Variants in RTN1 observed in about 807,000 individuals in gnomAD.
The protein encoded by RTN1 is reticulon 1.
In RTN1, 25 loss-of-function variants were observed where a neutral mutation model predicts 65.5. The ratio of observed to expected loss-of-function variants is 0.38; its 90% CI spans 0.28 to 0.53. The LOEUF (loss-of-function observed/expected upper bound fraction) is 0.53. RTN1 is among the 20% of genes least tolerant of loss of function. RTN1 has a pLI of 0.79. For missense variants in RTN1, 983 were observed against 1,025.4 expected (o/e 0.96, Z 0.57); for synonymous variants, 471 against 447.6 (o/e 1.05, Z -0.66).
At chr14:59,773,215 T>C (rs1005689297) in intron 1 of RTN1, among the ~76,000 whole-genome samples, 1 of 152,140 alleles carries the variant, frequency 6.6e-6, no homozygotes, top group Non-Finnish European at 1.5e-5. Context: ...ATGAGACATA[T>C]TTCAAAGGCT....
chr14:59,714,159 C>T (rs1400441480), intron 3 of RTN1, among the ~76,000 whole-genome samples: 1 of 151,656 alleles, frequency 6.6e-6, no homozygotes, highest in African/African-American at 2.4e-5. Flanking sequence ...TGCTTGAACC[C>T]AGGAGGCAGA....
chr14:59,789,589 G>A (rs1886311816), intron 1 of RTN1, among the ~76,000 whole-genome samples: 1 of 152,054 alleles, frequency 6.6e-6, no homozygotes, highest in African/African-American at 2.4e-5. Flanking sequence ...TCAAAATTTT[G>A]CACGTTTGAA....
At chr14:59,722,814 G>A (rs1358034011) in intron 3 of RTN1, among the ~76,000 whole-genome samples, 1 of 129,244 alleles carries the variant, frequency 7.7e-6, no homozygotes, top group South Asian at 2.5e-4. Context: ...TTTTTTTTTT[G>A]AGACAAGGTG....
rs1566710804 is a variant in RTN1 at position 59,749,118 on chromosome 14, A to ATC, written c.242-2638_242-2637insGA. Among the ~76,000 whole-genome samples, 61 of 57,180 alleles carry ATC rather than the reference A, an allele frequency of 1.1e-3. 1 individual carries two copies. Among genetic ancestry groups the ATC allele is most frequent in the African/African-American group, 5.2e-3 (53 of 10,106 alleles). 37.5% of individuals were successfully genotyped at this position (57,180 alleles called of 152,430 possible). A position where few individuals can be genotyped will look rare whatever the true frequency, so the allele number is the denominator to read the frequency against. On this transcript the variant is annotated intron_variant, in intron 1 of 8. Transcript: ENST00000267484. ...TATATATATCTATATATATATATATATATATAGATATATCTATATCTATCT... is the reference window on the plus strand; with the variant it reads ...TATATATATCTATATATATATATATATCTATATAGATATATCTATATCTATCT...
intron 1 of RTN1, among the ~76,000 whole-genome samples, chr14:59,750,119 ATATAT>A (rs1885425051): frequency 1.2e-5 from 1 of 86,056 alleles, no homozygotes; most frequent in Non-Finnish European, 2.1e-5. Flanking sequence ...TATATATAAT[ATATAT>A]TATCTATAAT....
At chr14:59,793,636 CCACACA>C (rs766243780) in intron 1 of RTN1, among the ~76,000 whole-genome samples, 10 of 144,308 alleles carry the variant, frequency 6.9e-5, no homozygotes, top group South Asian at 4.5e-4. Flanking sequence ...CAGGCACACA[CCACACA>C]CACACACACA....
At chr14:59,650,717 A>G (rs1215292624) in intron 3 of RTN1, among the ~76,000 whole-genome samples, 4 of 152,234 alleles carry the variant, frequency 2.6e-5, no homozygotes, top group Non-Finnish European at 5.9e-5. Flanking sequence ...TAAGATCTCT[A>G]CAATGAAAAT....
At chr14:59,819,608 A>G (rs1190149635) in intron 1 of RTN1, among the ~76,000 whole-genome samples, 2 of 151,920 alleles carry the variant, frequency 1.3e-5, no homozygotes, top group East Asian at 3.9e-4. Flanking sequence ...CACTGTTGTC[A>G]GCCCTTGGGC....
At chr14:59,609,020 C>T (rs930508967) in intron 3 of RTN1, among the ~76,000 whole-genome samples, 1 of 152,076 alleles carries the variant, frequency 6.6e-6, no homozygotes, top group Non-Finnish European at 1.5e-5. Context: ...CATGGTGGCT[C>T]ATGCCTGTAA....
intron 1 of RTN1, among the ~76,000 whole-genome samples, chr14:59,850,250 T>C (rs754753692): frequency 1.7e-4 from 26 of 152,228 alleles, no homozygotes; most frequent in Non-Finnish European, 3.4e-4. Flanking sequence ...AAAAATATCA[T>C]ATGTTGAAAA....
chr14:59,723,468 G>C (rs1884690500), intron 3 of RTN1, among the ~76,000 whole-genome samples: 1 of 151,454 alleles, frequency 6.6e-6, no homozygotes, highest in South Asian at 2.1e-4. Flanking sequence ...CAAAAAATTA[G>C]CCGGGCGTGG....
intron 1 of RTN1, among the ~76,000 whole-genome samples, chr14:59,839,185 AT>A (rs1355416956): frequency 6.6e-6 from 1 of 151,906 alleles, no homozygotes; most frequent in Non-Finnish European, 1.5e-5. Context: ...TCTTTAGGAT[AT>A]TTTTTTGCTT....
At chr14:59,746,581 TC>T in intron 1 of RTN1, 100 bp from the exon 2 acceptor site, 1 of 1,021,592 alleles carries the variant, frequency 9.8e-7, no homozygotes, top group East Asian at 2.4e-5. Flanking sequence ...AGACATGACA[TC>T]CTTTCTCCTT....
At chr14:59,733,091 T>C (rs1566703506) in intron 2 of RTN1, among the ~76,000 whole-genome samples, 3 of 112,070 alleles carry the variant, frequency 2.7e-5, no homozygotes. Flanking sequence ...TTTTTTTTTT[T>C]TCTTTCTTTC....
At chr14:59,627,210 C>G (rs1432177526) in intron 3 of RTN1, among the ~76,000 whole-genome samples, 2 of 152,182 alleles carry the variant, frequency 1.3e-5, no homozygotes, top group Non-Finnish European at 2.9e-5. Context: ...GTTATTAAGC[C>G]TACACAATCA....
intron 2 of RTN1, among the ~76,000 whole-genome samples, chr14:59,742,416 A>G (rs563963490): frequency 2.6e-5 from 4 of 152,284 alleles, no homozygotes; most frequent in South Asian, 4.1e-4. Flanking sequence ...CACTTTTTTC[A>G]TGACTGATCT....
chr14:59,821,207 T>G (rs1886937879), intron 1 of RTN1, among the ~76,000 whole-genome samples: 2 of 152,238 alleles, frequency 1.3e-5, no homozygotes, highest in African/African-American at 4.8e-5. Context: ...TTTGCAGTTC[T>G]CACTGTAAAG....
At position 59,825,108 on chromosome 14, in the gene RTN1, G is replaced by T. The variant is rs1887007580; in HGVS notation, c.241+45282C>A. On this transcript the variant is annotated intron_variant, in intron 1 of 8. Transcript: ENST00000267484. This position sits in a 1 kb window ranked among gnomAD's most constrained non-coding sequence, Gnocchi z 4.2. ...GTTAATAATACTATAGCGTACACGT[G>T]AAATTAACTTGTTCTAGAGAGCTGT... Among the ~76,000 whole-genome samples the T allele has an allele frequency of 6.6e-6, 1 of 152,226 alleles. No homozygotes were observed. The highest frequency in any genetic ancestry group is 2.4e-5 in the African/African-American group (1 of 41,446).
At position 59,605,396 on chromosome 14, in the gene RTN1, AG is replaced by A; in HGVS notation, c.2083del (p.Val696SerfsTer8). On this transcript the variant is annotated frameshift_variant, in exon 5 of 9. Transcript: ENST00000267484. LOFTEE classifies it high-confidence loss of function. ...TAAGGAATCCACCAGGTCCTGGACAAGGAAGAGCCTCCTCAGTTCCTTAAGT... is the reference window on the plus strand; with the variant it reads ...TAAGGAATCCACCAGGTCCTGGACAAGAAGAGCCTCCTCAGTTCCTTAAGT... ...STLKELRRLFLVQDLVDSLKF... is the reference protein window; with the variant it reads ...STLKELRRLFXVQDLVDSLKF... 6.2e-7 allele frequency: 1 copy of A among 1,614,166 alleles called. No individual in the cohort carries two copies. Among genetic ancestry groups the A allele is most frequent in the Non-Finnish European group, 8.5e-7 (1 of 1,180,012 alleles).
Sources: gnomAD v4.1 joint callset for allele counts (sites outside exome capture counted in the v4.1 genomes callset) on GRCh38, gnomAD v4.1.1 for gene constraint, Gnocchi (gnomAD v3.1) non-coding constraint, MANE v1.5 for transcripts, NCBI Gene and HGNC (gene_info 2026-07-23, HGNC 2026-07-21) for gene names.